Variants in SMARCD2 observed in about 807,000 individuals in gnomAD.
SMARCD2 encodes the protein SWI/SNF related BAF chromatin remodeling complex subunit D2.
In SMARCD2, 39 loss-of-function variants were observed where a neutral mutation model predicts 70.4. The ratio of observed to expected loss-of-function variants is 0.55; its 90% CI spans 0.43 to 0.72. The LOEUF is 0.72. SMARCD2 is among the 30% of genes least tolerant of loss of function. SMARCD2 has a pLI of 0.00. For missense variants in SMARCD2, 540 were observed against 713.4 expected, an observed-to-expected ratio of 0.76 and a Z score of 2.77; for synonymous variants, 249 against 279.4, an observed-to-expected ratio of 0.89 and a Z score of 1.08.
chr17:63,842,255 C>T, intron 1 of SMARCD2: 1 of 947,518 alleles, frequency 1.1e-6, no homozygotes, highest in Non-Finnish European at 1.3e-6. Context: ...CCAGCTGCTT[C>T]CAGCCCTCCG....
In SMARCD2 at chr17:63,832,317, G is replaced by A. The variant is rs1041202218; in HGVS notation, c.*621C>T. The A allele has an allele frequency of 6.0e-6, 2 of 331,520 alleles. No homozygotes were observed. Among genetic ancestry groups the A allele is most frequent in the South Asian group, 8.4e-5 (2 of 23,818 alleles). The allele number at this position is 331,520 out of a possible 1,614,324, so 20.5% of individuals were successfully genotyped here. On this transcript the variant is annotated 3_prime_UTR_variant, in exon 13 of 13. Coordinates refer to ENST00000448276, the MANE Select transcript of SMARCD2 (RefSeq NM_001098426.2). ...GAGAGGCAGCCCTCTGGCATCCCAGGAGATGATGGCGGCCAGAGCCGCTTG... is the reference window on the plus strand; with the variant it reads ...GAGAGGCAGCCCTCTGGCATCCCAGAAGATGATGGCGGCCAGAGCCGCTTG...
At position 63,837,267 on chromosome 17, in the gene SMARCD2, T is replaced by G; in HGVS notation, c.402-30A>C. ...GGAGGACAGAAACCCACTTAAGAGG[T>G]CAATGGTCCAAAAAAGGACACTCAC... is the stretch of plus-strand genomic sequence containing the variant. On this transcript the variant is annotated intron_variant, in intron 2 of 12. Transcript: ENST00000448276. The surrounding 1 kb of genome is among the most constrained non-coding windows in gnomAD (Gnocchi z 6.4). 1 of 1,609,986 alleles carries G rather than the reference T, an allele frequency of 6.2e-7. No homozygotes were observed. The highest frequency in any genetic ancestry group is 8.5e-7 in the Non-Finnish European group (1 of 1,176,608).
At position 63,834,644 on chromosome 17, in the gene SMARCD2, T is replaced by C. The variant is rs1486176184; in HGVS notation, c.819+61A>G. On this transcript the variant is annotated intron_variant, in intron 6 of 12. Transcript: ENST00000448276. This position sits in a 1 kb window ranked among gnomAD's most constrained non-coding sequence, Gnocchi z 5.6. ...TGAACACAGGGCCTCCCAAGGGCCC[T>C]GAGGCCATTTCCCTGCCAAACCTGC... is the stretch of plus-strand genomic sequence containing the variant. The C allele has an allele frequency of 2.6e-6, 4 of 1,567,818 alleles. No individual in the cohort carries two copies. Among genetic ancestry groups the C allele is most frequent in the Middle Eastern group, 1.7e-4 (1 of 5,992 alleles).
chr17:63,832,829 G>T lies in SMARCD2; in HGVS notation c.*109C>A. On this transcript the variant is annotated 3_prime_UTR_variant, in exon 13 of 13. Transcript: ENST00000448276. ...TAAGACTAAAGCTGGAGAGTAGAGGGTGACAGCAGACACTCCTCACCCCAG... is the reference window on the plus strand; with the variant it reads ...TAAGACTAAAGCTGGAGAGTAGAGGTTGACAGCAGACACTCCTCACCCCAG... 1 of 860,320 alleles carries T rather than the reference G, an allele frequency of 1.2e-6. No homozygotes were observed. Among genetic ancestry groups the T allele is most frequent in the Non-Finnish European group, 1.9e-6 (1 of 519,782 alleles). The allele number at this position is 860,320 out of a possible 1,614,324, so 53.3% of individuals were successfully genotyped here.
chr17:63,835,631 ATCT>A, intron 4 of SMARCD2, 64 bp from the exon 5 acceptor site: 1 of 1,497,308 alleles, frequency 6.7e-7, no homozygotes, highest in South Asian at 1.2e-5. Flanking sequence ...GTGCTACCGC[ATCT>A]TCTCATATGA....
At chr17:63,842,323 T>C in intron 1 of SMARCD2, 136 bp downstream of exon 1, 1 of 1,174,696 alleles carries the variant, frequency 8.5e-7, no homozygotes, top group South Asian at 2.6e-5. Context: ...AGCCCGAGGG[T>C]CCCGGCCCGC....
In SMARCD2 at chr17:63,832,236, C is replaced by T. The variant is rs766461680; in HGVS notation, c.*702G>A. 1.1e-5 allele frequency: 6 copies of T among 531,478 alleles called. No individual in the cohort carries two copies. In the Admixed American group the frequency reaches 1.3e-4, roughly 11 times the overall value. 32.9% of individuals were successfully genotyped at this position (531,478 alleles called of 1,614,324 possible). A position where few individuals can be genotyped will look rare whatever the true frequency, so the allele number is the denominator to read the frequency against. On this transcript the variant is annotated 3_prime_UTR_variant, in exon 13 of 13. Transcript: ENST00000448276. ...CCCTGGCCTCCACATGCACATACCC[C>T]ATACCTCAGGCCATGCTAGAGAACT...
intron 4 of SMARCD2, 23 bp from the exon 5 acceptor site, chr17:63,835,590 A>G (rs1365033063): frequency 5.0e-6 from 8 of 1,612,142 alleles, no homozygotes; most frequent in Non-Finnish European, 6.8e-6. Flanking sequence ...AGGCAATCAC[A>G]ACTGGAGGTG....
In SMARCD2 at chr17:63,837,701, C is replaced by G; in HGVS notation, c.217-76G>C. 7.9e-7 allele frequency: 1 copy of G among 1,259,810 alleles called. No individual in the cohort carries two copies. The highest frequency in any genetic ancestry group is 1.4e-5 in the South Asian group (1 of 70,930). 78.0% of individuals were successfully genotyped at this position (1,259,810 alleles called of 1,614,324 possible). ...GGGACCCATAGCCCATGCCCTCCAT[C>G]CCTCTCGTCAGCCAGGTAGGGCCTG... On this transcript the variant is annotated intron_variant, in intron 1 of 12. Coordinates refer to ENST00000448276, the MANE Select transcript of SMARCD2 (RefSeq NM_001098426.2). This position sits in a 1 kb window ranked among gnomAD's most constrained non-coding sequence, Gnocchi z 6.4.
At position 63,832,827 on chromosome 17, in the gene SMARCD2, G is replaced by A; in HGVS notation, c.*111C>T. Reference sequence around the variant, plus strand: ...TATAAGACTAAAGCTGGAGAGTAGAGGGTGACAGCAGACACTCCTCACCCC... The same window carrying A: ...TATAAGACTAAAGCTGGAGAGTAGAAGGTGACAGCAGACACTCCTCACCCC... On this transcript the variant is annotated 3_prime_UTR_variant, in exon 13 of 13. Coordinates refer to ENST00000448276, the MANE Select transcript of SMARCD2 (RefSeq NM_001098426.2). The A allele has an allele frequency of 1.2e-6, 1 of 844,644 alleles. No homozygotes were observed. The highest frequency in any genetic ancestry group is 1.4e-5 in the South Asian group (1 of 69,166). 52.3% of individuals were successfully genotyped at this position (844,644 alleles called of 1,614,324 possible).
rs1470208162 is a variant in SMARCD2 at position 63,833,722 on chromosome 17, A to G, written c.1182T>C (p.Ser394=). 4.3e-6 allele frequency: 7 copies of G among 1,613,908 alleles called. No homozygotes were observed. The Admixed American group carries it at 5.0e-5, about 12-fold the overall frequency. ...PDPIVINHVI[S]VDPNDQKKTA... ...TCTTCTTCTGGTCGTTAGGGTCGAC[A>G]CTGCAGGCAGCACATGGGGAGGGAA... is the stretch of plus-strand genomic sequence containing the variant. The change falls in exon 10 of 13, where the codon AGT becomes AGC. Residue 394 remains serine, a splice_region_variant and synonymous_variant. Transcript: ENST00000448276. This position sits in a 1 kb window ranked among gnomAD's most constrained non-coding sequence, Gnocchi z 4.3.
chr17:63,836,905 GT>G lies in SMARCD2; in HGVS notation c.567+16del. ...AGGAAACCTGGGAAGGCTAGAGGTG[GT>G]CAGGGCCACACATACTGTCAGAGGC... On this transcript the variant is annotated intron_variant, in intron 4 of 12. Coordinates refer to ENST00000448276, the MANE Select transcript of SMARCD2 (RefSeq NM_001098426.2). 1 of 1,605,588 alleles carries G rather than the reference GT, an allele frequency of 6.2e-7. No individual in the cohort carries two copies. Among genetic ancestry groups the G allele is most frequent in the Non-Finnish European group, 8.5e-7 (1 of 1,173,358 alleles).
At chr17:63,835,697 G>A in intron 4 of SMARCD2, 130 bp from the exon 5 acceptor site, 3 of 775,528 alleles carry the variant, frequency 3.9e-6, no homozygotes, top group Non-Finnish European at 6.1e-6. Flanking sequence ...ACCTTGTCAG[G>A]TACTGGGAAT....
rs2040274676 is a variant in SMARCD2, at chr17:63,837,054, G to A, written c.445-10C>T. ...GAACAAGCTCCCGGATCTGAAGGAA[G>A]GTAGCAGAAGCTCATCAGCTTGCTT... On this transcript the variant is annotated splice_polypyrimidine_tract_variant and intron_variant, in intron 3 of 12. Coordinates refer to ENST00000448276, the MANE Select transcript of SMARCD2 (RefSeq NM_001098426.2). This position sits in a 1 kb window ranked among gnomAD's most constrained non-coding sequence, Gnocchi z 6.4. The A allele has an allele frequency of 4.3e-6, 7 of 1,613,034 alleles. No individual in the cohort carries two copies. The highest frequency in any genetic ancestry group is 5.9e-6 in the Non-Finnish European group (7 of 1,179,142).
rs1253319135 is a variant in SMARCD2, at chr17:63,832,717, G to A, written c.*221C>T. On this transcript the variant is annotated 3_prime_UTR_variant, in exon 13 of 13. Transcript: ENST00000448276. ...TGGGCCTGCCTGCAGGGGGGCAGAG[G>A]AGGCATCTGCTGAACCCAATTAAAG... is the stretch of plus-strand genomic sequence containing the variant. 2 of 588,628 alleles carry A rather than the reference G, an allele frequency of 3.4e-6. No homozygotes were observed. Among genetic ancestry groups the A allele is most frequent in the Middle Eastern group, 9.0e-4 (2 of 2,214 alleles). 36.5% of individuals were successfully genotyped at this position (588,628 alleles called of 1,614,324 possible). A position where few individuals can be genotyped will look rare whatever the true frequency, so the allele number is the denominator to read the frequency against.
rs1043556828 is a variant in SMARCD2 at position 63,834,876 on chromosome 17, A to G, written c.724-76T>C. ...AGCTATGCTAAATCCCAAGAAAGAG[A>G]AGCCCCATTTCAGCCCTGGAGCTCC... is the stretch of plus-strand genomic sequence containing the variant. On this transcript the variant is annotated intron_variant, in intron 5 of 12. Coordinates refer to ENST00000448276, the MANE Select transcript of SMARCD2 (RefSeq NM_001098426.2). The surrounding 1 kb of genome is among the most constrained non-coding windows in gnomAD (Gnocchi z 5.6). 1.0e-5 allele frequency: 11 copies of G among 1,076,752 alleles called. No individual in the cohort carries two copies. The East Asian group carries it at 2.6e-4, about 25-fold the overall frequency. The allele number at this position is 1,076,752 out of a possible 1,614,324, so 66.7% of individuals were successfully genotyped here.
At chr17:63,840,337 A>T (rs1271587873) in intron 1 of SMARCD2, among the ~76,000 whole-genome samples, 1 of 141,942 alleles carries the variant, frequency 7.0e-6, no homozygotes, top group African/African-American at 2.6e-5. Context: ...GCTTGGCTAA[A>T]TTTTTTTTTT....
rs373206141 is a variant in SMARCD2 at position 63,838,508 on chromosome 17, G to C, written c.217-883C>G. 1.5e-5 allele frequency: 16 copies of C among 1,071,758 alleles called. No individual in the cohort carries two copies. In the African/African-American group the frequency reaches 2.5e-4, roughly 16 times the overall value. 66.4% of individuals were successfully genotyped at this position (1,071,758 alleles called of 1,614,324 possible). On this transcript the variant is annotated intron_variant, in intron 1 of 12. Coordinates refer to ENST00000448276, the MANE Select transcript of SMARCD2 (RefSeq NM_001098426.2). Reference sequence around the variant, plus strand: ...TGGCAATCCCAAGCTGGAGAAGGGGGCTAAGATTATCCTGGGAGGCAAGGA... The same window carrying C: ...TGGCAATCCCAAGCTGGAGAAGGGGCCTAAGATTATCCTGGGAGGCAAGGA...
In SMARCD2 at chr17:63,834,021, A is replaced by G. The variant is rs768924157; in HGVS notation, c.1084-15T>C. 9 of 1,610,716 alleles carry G rather than the reference A, an allele frequency of 5.6e-6. No homozygotes were observed. The African/African-American group carries it at 1.2e-4, about 22-fold the overall frequency. Reference sequence around the variant, plus strand: ...CAACTGAAGATCTGGAGGAAATACGAAAGGCTCAGCGTTGGCTTGTGGGCA... The same window carrying G: ...CAACTGAAGATCTGGAGGAAATACGGAAGGCTCAGCGTTGGCTTGTGGGCA... On this transcript the variant is annotated splice_polypyrimidine_tract_variant and intron_variant, in intron 8 of 12. Transcript: ENST00000448276. The surrounding 1 kb of genome is among the most constrained non-coding windows in gnomAD (Gnocchi z 5.6).
Sources: allele counts gnomAD v4.1 joint callset (sites outside exome capture counted in the v4.1 genomes callset), GRCh38; gene constraint gnomAD v4.1.1; non-coding constraint Gnocchi (gnomAD v3.1); transcripts MANE v1.5; gene names NCBI Gene and HGNC (gene_info 2026-07-23, HGNC 2026-07-21).